The following ITFG2 variants were observed in gnomAD, a reference collection of about 807,000 sequenced individuals.
ITFG2 encodes the protein integrin alpha FG-GAP repeat containing 2.
Under a neutral mutation model 54.4 loss-of-function variants are expected in ITFG2, and 36 were observed. The ratio of observed to expected loss-of-function variants is 0.66; its 90% CI spans 0.51 to 0.87. The LOEUF (loss-of-function observed/expected upper bound fraction) is 0.87. Among genes scored for constraint, ITFG2 ranks in the 40% least tolerant of loss-of-function variants. The probability of loss-of-function intolerance (pLI) is 0.00; values close to 1 mark genes in which losing one functional copy is unlikely to be tolerated. For synonymous variants in ITFG2, 211 were observed against 225.4 expected (o/e 0.94, Z 0.57); for missense variants, 524 against 576.7 (o/e 0.91, Z 0.94).
intron 2 of ITFG2, among the ~76,000 whole-genome samples, chr12:2,851,968 C>T (rs1416783234): frequency 1.3e-5 from 2 of 152,232 alleles, no homozygotes; most frequent in African/African-American, 4.8e-5. Context: ...CGTGAGCCAC[C>T]ATTCCCGGTC....
At chr12:2,830,791 G>C (rs768143956) in intron 2 of ITFG2, 1 of 1,613,626 alleles carries the variant, frequency 6.2e-7, no homozygotes, top group South Asian at 1.1e-5. Flanking sequence ...TCCTGCATCC[G>C]GGGAGGCTCC....
At chr12:2,835,563 G>A (rs1251349823), upstream of ITFG2, 3 of 152,260 alleles carry the variant, frequency 2.0e-5, no homozygotes, top group Admixed American at 6.6e-5. Context: ...TGGGTTCCAG[G>A]GAATGACAGG....
intron 1 of ITFG2, among the ~76,000 whole-genome samples, chr12:2,815,716 C>CT (rs2097919762): frequency 6.6e-6 from 1 of 152,206 alleles, no homozygotes; most frequent in Non-Finnish European, 1.5e-5. Context: ...CATGTGTAAC[C>CT]TAGAGCTGTT....
Position 2,859,413 on chromosome 12 carries a change from G to T in ITFG2, n.621-121G>T, listed in dbSNP as rs530829501. 83 of 1,614,068 alleles carry T rather than the reference G, an allele frequency of 5.1e-5. 1 individual carries two copies. In the South Asian group the frequency reaches 8.7e-4, roughly 17 times the overall value. On this transcript the variant is annotated intron_variant and non_coding_transcript_variant, in intron 3 of 3. Transcript: ENST00000537710. Reference sequence around the variant, plus strand: ...CTTGGGTCTTGGGGTGGGAGATTGGGACGAATCCTCCCAGGAGTGAGATGA... The same window carrying T: ...CTTGGGTCTTGGGGTGGGAGATTGGTACGAATCCTCCCAGGAGTGAGATGA...
At chr12:2,828,370 T>C (rs1603483907), downstream of ITFG2, 1 of 1,614,122 alleles carries the variant, frequency 6.2e-7, no homozygotes, top group Non-Finnish European at 8.5e-7. Flanking sequence ...TCCGATTGTA[T>C]TGGGTGCCTG....
At chr12:2,821,919 T>C (rs1199808010) in intron 9 of ITFG2, 127 bp downstream of exon 9, 3 of 670,692 alleles carry the variant, frequency 4.5e-6, no homozygotes, top group Middle Eastern at 4.0e-4. Flanking sequence ...CTCTGTCTCT[T>C]TTTTTTTTTT....
chr12:2,816,496 A>C (rs758156269), intron 1 of ITFG2, among the ~76,000 whole-genome samples: 2 of 151,066 alleles, frequency 1.3e-5, no homozygotes, highest in Non-Finnish European at 2.9e-5. Flanking sequence ...TGCCCGGCTA[A>C]TTTTTTGTAG....
At chr12:2,841,528 G>T (rs2098041048) in intron 2 of ITFG2, among the ~76,000 whole-genome samples, 1 of 152,106 alleles carries the variant, frequency 6.6e-6, no homozygotes, top group Non-Finnish European at 1.5e-5. Context: ...ACAGTTATTG[G>T]TGATCCTAAA....
intron 2 of ITFG2, chr12:2,855,206 G>C: frequency 6.6e-7 from 1 of 1,506,714 alleles, no homozygotes; most frequent in African/African-American, 1.4e-5. Context: ...AAGGTGGCAG[G>C]CAGACGGCAC....
At chr12:2,827,186 G>A (rs776610615), downstream of ITFG2, 22 of 1,613,854 alleles carry the variant, frequency 1.4e-5, no homozygotes, top group Middle Eastern at 4.9e-4. The surrounding 1 kb of genome is among the most constrained non-coding windows in gnomAD (Gnocchi z 4.0). Context: ...CTTTCCCTCT[G>A]GGGACTGACT....
At position 2,823,978 on chromosome 12, in the gene ITFG2, A is replaced by C. The variant is rs1389391158; in HGVS notation, c.1240+35A>C. On this transcript the variant is annotated intron_variant, in intron 11 of 11. Transcript: ENST00000228799. ...AGAAAAGCCAGTGGCCCGAGTGCCCAGGAGACCCACAGCATGCTGCAGGAG... is the reference window on the plus strand; with the variant it reads ...AGAAAAGCCAGTGGCCCGAGTGCCCCGGAGACCCACAGCATGCTGCAGGAG... The C allele has an allele frequency of 2.5e-6, 4 of 1,611,628 alleles. No homozygotes were observed. The Admixed American group carries it at 6.7e-5, about 27-fold the overall frequency.
intron 2 of ITFG2, chr12:2,830,788 TC>T (rs2097997698): frequency 1.2e-6 from 2 of 1,613,780 alleles, no homozygotes; most frequent in Non-Finnish European, 8.5e-7. Context: ...AGGTCCTGCA[TC>T]CGGGGAGGCT....
intron 2 of ITFG2, among the ~76,000 whole-genome samples, chr12:2,841,273 G>A (rs1418446869): frequency 6.6e-6 from 1 of 152,242 alleles, no homozygotes; most frequent in African/African-American, 2.4e-5. Flanking sequence ...CTGTTAGGCT[G>A]CCAGACCCTG....
At chr12:2,818,314 A>G (rs752372612) in intron 4 of ITFG2, 37 bp downstream of exon 4, 1 of 1,605,870 alleles carries the variant, frequency 6.2e-7, no homozygotes, top group Non-Finnish European at 8.5e-7. Context: ...CCAGGAGAGT[A>G]GGAGTCAGTG....
In ITFG2 at chr12:2,822,888, A is replaced by G; in HGVS notation, c.1043A>G (p.Glu348Gly). Residue 348 changes from glutamate to glycine, a missense_variant, in exon 10 of 12, where the codon GAA becomes GGA. Physicochemically the swap from Glu to Gly is moderately conservative, Grantham distance 98. Transcript: ENST00000228799. Reference protein sequence around the residue: ...NRTVVRFQVDENIRAFCAGLY... With the variant: ...NRTVVRFQVDGNIRAFCAGLY... ...ACCGTCGTCCGCTTCCAAGTGGATG[A>G]AAATATCCGTGCCTTCTGTGCAGGT... The G allele has an allele frequency of 6.2e-7, 1 of 1,614,150 alleles. No individual in the cohort carries two copies.
rs1465355710 is a variant in ITFG2, at chr12:2,817,981, T to G, written c.234+31T>G. 3.1e-6 allele frequency: 5 copies of G among 1,612,584 alleles called. No individual in the cohort carries two copies. In the South Asian group the frequency reaches 4.4e-5, roughly 14 times the overall value. On this transcript the variant is annotated intron_variant, in intron 3 of 11. Transcript: ENST00000228799. Reference sequence around the variant, plus strand: ...AACTATAGGGGACCTTCCTTGGTTCTTAGCTCACAGTGGAAATCAGTTGAA... The same window carrying G: ...AACTATAGGGGACCTTCCTTGGTTCGTAGCTCACAGTGGAAATCAGTTGAA...
intron 2 of ITFG2, chr12:2,854,823 A>G: frequency 1.4e-6 from 2 of 1,415,828 alleles, no homozygotes; most frequent in South Asian, 1.4e-5. Flanking sequence ...GGTTAGAAAC[A>G]GGAACCTGAG....
chr12:2,814,539 G>A (rs1009557075), intron 1 of ITFG2, among the ~76,000 whole-genome samples: 2 of 152,114 alleles, frequency 1.3e-5, no homozygotes, highest in African/African-American at 4.8e-5. Context: ...TTAGAACAAT[G>A]TAGGCACTGG....
chr12:2,827,849 G>A (rs1332592436), downstream of ITFG2: 30 of 1,609,238 alleles, frequency 1.9e-5, no homozygotes, highest in Non-Finnish European at 2.3e-5. This position sits in a 1 kb window ranked among gnomAD's most constrained non-coding sequence, Gnocchi z 4.0. Context: ...TGCAGGGAGT[G>A]AAAGTCTCAG....
Sources: allele counts gnomAD v4.1 joint callset (sites outside exome capture counted in the v4.1 genomes callset), GRCh38; gene constraint gnomAD v4.1.1; non-coding constraint Gnocchi (gnomAD v3.1); transcripts MANE v1.5; gene names NCBI Gene and HGNC (gene_info 2026-07-23, HGNC 2026-07-21).